BBS9: variants seen among roughly 807,000 people sequenced by gnomAD.
The protein encoded by BBS9 is Bardet-Biedl syndrome 9, also known as protein PTHB1.
BBS9 carries 89 observed loss-of-function variants against 117.7 expected under a neutral mutation model. The observed-to-expected ratio is 0.76, with a 90% confidence interval of 0.64 to 0.90. The LOEUF is 0.90. Ranked by LOEUF, BBS9 falls within the 40% of genes least tolerant of loss-of-function variation. The probability of loss-of-function intolerance (pLI) is 0.00; values close to 1 mark genes in which losing one functional copy is unlikely to be tolerated. For missense variants in BBS9, 982 were observed against 1,042.2 expected (o/e 0.94, Z 0.80); for synonymous variants, 379 against 370.9 (o/e 1.02, Z -0.25).
At chr7:33,399,825 A>G (rs1174681442) in intron 19 of BBS9, among the ~76,000 whole-genome samples, 3 of 152,182 alleles carry the variant, frequency 2.0e-5, no homozygotes, top group East Asian at 3.9e-4. Flanking sequence ...AGTGCAAAGT[A>G]TTATAACATT....
intron 16 of BBS9, among the ~76,000 whole-genome samples, chr7:33,358,914 A>G (rs1179357002): frequency 1.3e-5 from 2 of 151,846 alleles, no homozygotes; most frequent in East Asian, 3.8e-4. Context: ...ATTTTTTATT[A>G]ATTTGCAGTA....
intron 5 of BBS9, among the ~76,000 whole-genome samples, chr7:33,218,561 A>T (rs1264917398): frequency 1.3e-5 from 2 of 152,244 alleles, no homozygotes; most frequent in Non-Finnish European, 2.9e-5. Context: ...GAGATAGGCG[A>T]GTATTCAGAA....
In BBS9 at chr7:33,399,224, A is replaced by AT. The variant is rs1227792865; in HGVS notation, c.2115+11089dup. Among the ~76,000 whole-genome samples, 19 of 150,406 alleles carry AT rather than the reference A, an allele frequency of 1.3e-4. No homozygotes were observed. In the East Asian group the frequency reaches 2.2e-3, roughly 17 times the overall value. Reference sequence around the variant, plus strand: ...GTTTCTTGTGATGTCTTTTTTCTTTATTTTTTTTTCTTTCCATTAGTCTTT... The same window carrying AT: ...GTTTCTTGTGATGTCTTTTTTCTTTATTTTTTTTTTCTTTCCATTAGTCTTT... On this transcript the variant is annotated intron_variant, in intron 19 of 22. Coordinates refer to ENST00000242067, the MANE Select transcript of BBS9 (RefSeq NM_198428.3).
rs2128325520 is a variant in BBS9, at chr7:33,264,230, A to G, written c.618-60A>G. 5.5e-6 allele frequency: 5 copies of G among 901,212 alleles called. No homozygotes were observed. The South Asian group carries it at 1.3e-4, about 24-fold the overall frequency. The allele number at this position is 901,212 out of a possible 1,614,324, so 55.8% of individuals were successfully genotyped here. On this transcript the variant is annotated intron_variant, in intron 6 of 22. Coordinates refer to ENST00000242067, the MANE Select transcript of BBS9 (RefSeq NM_198428.3). Reference sequence around the variant, plus strand: ...ATTATTGTGTACTTTTAAAGTTTAAAATAATTTATAATTTTTAATTATAAA... The same window carrying G: ...ATTATTGTGTACTTTTAAAGTTTAAGATAATTTATAATTTTTAATTATAAA...
intron 21 of BBS9, among the ~76,000 whole-genome samples, chr7:33,633,479 G>C (rs1326694566): frequency 6.8e-6 from 1 of 147,882 alleles, no homozygotes; most frequent in Non-Finnish European, 1.5e-5. Flanking sequence ...CAATTGCTTT[G>C]TATGGTGAAG....
chr7:33,537,763 C>T (rs1225390680), intron 21 of BBS9, among the ~76,000 whole-genome samples: 1 of 152,110 alleles, frequency 6.6e-6, no homozygotes, highest in Non-Finnish European at 1.5e-5. Context: ...CTTTTATAAC[C>T]TCAGTATCTA....
At chr7:33,431,387 C>G (rs1049917545) in intron 19 of BBS9, among the ~76,000 whole-genome samples, 26 of 152,138 alleles carry the variant, frequency 1.7e-4, no homozygotes, top group African/African-American at 6.3e-4. Context: ...CTATCCTAGT[C>G]AGAGTCCGCT....
intron 9 of BBS9, among the ~76,000 whole-genome samples, chr7:33,318,661 A>T (rs1001948383): frequency 4.6e-5 from 7 of 151,994 alleles, no homozygotes; most frequent in Non-Finnish European, 7.4e-5. Flanking sequence ...GTGATTTGTG[A>T]GATTTTGGAG....
chr7:33,151,849 C>CT (rs1562684987), intron 2 of BBS9, among the ~76,000 whole-genome samples: 2 of 122,126 alleles, frequency 1.6e-5, no homozygotes, highest in Non-Finnish European at 3.7e-5. Context: ...CTGCACCCAG[C>CT]CTTTTTTTTT....
intron 19 of BBS9, among the ~76,000 whole-genome samples, chr7:33,432,407 C>T (rs1410850916): frequency 6.6e-6 from 1 of 151,638 alleles, no homozygotes; most frequent in African/African-American, 2.4e-5. Flanking sequence ...CCGCGCCCAG[C>T]TGATTTTTTT....
intron 19 of BBS9, among the ~76,000 whole-genome samples, chr7:33,422,288 T>C (rs1238810619): frequency 6.6e-6 from 1 of 152,198 alleles, no homozygotes; most frequent in African/African-American, 2.4e-5. Flanking sequence ...TTTTACTTTG[T>C]GAATAAATAT....
chr7:33,188,662 G>A (rs1423848106), intron 5 of BBS9, among the ~76,000 whole-genome samples: 1 of 152,230 alleles, frequency 6.6e-6, no homozygotes, highest in Non-Finnish European at 1.5e-5. Context: ...GGACTTGAGA[G>A]TTCAGAGGTT....
intron 16 of BBS9, among the ~76,000 whole-genome samples, chr7:33,360,879 G>T (rs563515755): frequency 6.6e-6 from 1 of 152,220 alleles, no homozygotes. Context: ...AGTGGAAGCT[G>T]TGGCAGTAGT....
intron 21 of BBS9, among the ~76,000 whole-genome samples, chr7:33,585,290 T>A (rs934681396): frequency 9.9e-5 from 15 of 152,164 alleles, no homozygotes; most frequent in Non-Finnish European, 1.5e-4. Flanking sequence ...ACTTTTCTTT[T>A]GAGCAAGGGG....
intron 9 of BBS9, among the ~76,000 whole-genome samples, chr7:33,303,522 T>TCCCA (rs1806967726): frequency 1.3e-5 from 1 of 77,030 alleles, no homozygotes; most frequent in Non-Finnish European, 2.4e-5. Context: ...AATGATCCCC[T>TCCCA]CCCCCCGCCC....
intron 19 of BBS9, among the ~76,000 whole-genome samples, chr7:33,408,301 T>G (rs1163860315): frequency 6.6e-6 from 1 of 152,148 alleles, no homozygotes; most frequent in Admixed American, 6.5e-5. Flanking sequence ...AAGTGCAGTA[T>G]TAGGGTGGGA....
chr7:33,611,303 T>A (rs1248088686), intron 21 of BBS9, among the ~76,000 whole-genome samples: 1 of 151,668 alleles, frequency 6.6e-6, no homozygotes. Flanking sequence ...TAAATTCTTT[T>A]ATGTAAACAA....
intron 19 of BBS9, among the ~76,000 whole-genome samples, chr7:33,402,522 CCAACTA>C (rs1829079581): frequency 6.6e-6 from 1 of 152,144 alleles, no homozygotes; most frequent in Non-Finnish European, 1.5e-5. Flanking sequence ...CACTCCCACT[CCAACTA>C]CAAGAAACTA....
chr7:33,223,286 C>A (rs956217583), intron 5 of BBS9, among the ~76,000 whole-genome samples: 2 of 151,778 alleles, frequency 1.3e-5, no homozygotes, highest in African/African-American at 4.8e-5. Context: ...CATCTTATAT[C>A]CTTATCACTC....
Sources: allele counts gnomAD v4.1 joint callset (sites outside exome capture counted in the v4.1 genomes callset), GRCh38; gene constraint gnomAD v4.1.1; transcripts MANE v1.5; gene names NCBI Gene and HGNC (gene_info 2026-07-23, HGNC 2026-07-21).